The following RBFOX1 variants were observed in gnomAD, a reference collection of about 807,000 sequenced individuals.
The protein encoded by RBFOX1 is RNA binding fox-1 homolog 1.
RBFOX1 carries 8 observed loss-of-function variants against 57.7 expected under a neutral mutation model. The observed-to-expected ratio is 0.14, with a 90% CI of 0.08 to 0.25. The LOEUF (loss-of-function observed/expected upper bound fraction) is 0.25, where lower values mean the gene tolerates loss of function less well. Among genes scored for constraint, RBFOX1 ranks in the 10% least tolerant of loss-of-function variants. RBFOX1 has a pLI of 1.00. For missense variants in RBFOX1, 611 were observed against 548.5 expected, an observed-to-expected ratio of 1.11 and a Z score of -1.14; for synonymous variants, 326 against 222.4, an observed-to-expected ratio of 1.47 and a Z score of -4.15.
chr16:7,695,211 T>G (rs2078414769), intron 14 of RBFOX1, among the ~76,000 whole-genome samples: 1 of 152,160 alleles, frequency 6.6e-6, no homozygotes, highest in African/African-American at 2.4e-5. Context: ...TAAGGTTCCG[T>G]TTGAACTCTG....
chr16:6,266,712 TAAAA>T (rs112417452), intron 1 of RBFOX1, among the ~76,000 whole-genome samples: 1 of 135,972 alleles, frequency 7.4e-6, no homozygotes, highest in African/African-American at 2.7e-5. Context: ...AGACTCTGTC[TAAAA>T]AAAAAAAAAA....
At chr16:6,287,749 C>T (rs1042746081) in intron 1 of RBFOX1, among the ~76,000 whole-genome samples, 3 of 152,052 alleles carry the variant, frequency 2.0e-5, no homozygotes, top group Admixed American at 6.6e-5. Context: ...TAAGACCATT[C>T]TCCATTTATC....
chr16:7,100,293 CCTGA>C (rs1567254669), intron 4 of RBFOX1, among the ~76,000 whole-genome samples: 1 of 151,878 alleles, frequency 6.6e-6, no homozygotes, highest in Admixed American at 6.6e-5. Context: ...TAAAAAGAAC[CCTGA>C]CTCTTTCTGA....
intron 3 of RBFOX1, among the ~76,000 whole-genome samples, chr16:7,028,736 G>A (rs886950616): frequency 1.3e-5 from 2 of 151,576 alleles, no homozygotes; most frequent in African/African-American, 2.4e-5. Flanking sequence ...GATATGCACA[G>A]GAAATGTAAT....
intron 2 of RBFOX1, among the ~76,000 whole-genome samples, chr16:6,592,824 C>G (rs985883754): frequency 1.3e-5 from 2 of 152,140 alleles, no homozygotes; most frequent in South Asian, 2.1e-4. Flanking sequence ...GATTCCAGTT[C>G]TATTCATCCA....
chr16:7,015,262 A>G (rs796861970), intron 3 of RBFOX1, among the ~76,000 whole-genome samples: 25 of 152,248 alleles, frequency 1.6e-4, no homozygotes, highest in African/African-American at 5.8e-4. Context: ...GGGTGAGCAT[A>G]TGGCCTGGGA....
At chr16:6,920,472 A>G (rs1316975335) in intron 3 of RBFOX1, among the ~76,000 whole-genome samples, 1 of 152,232 alleles carries the variant, frequency 6.6e-6, no homozygotes, top group Non-Finnish European at 1.5e-5. Flanking sequence ...TGTCCTAGAC[A>G]TTAAGGGAGC....
At chr16:6,004,567 CACAGAT>C (rs2060660168) in intron 4 of RBFOX1, among the ~76,000 whole-genome samples, 1 of 152,180 alleles carries the variant, frequency 6.6e-6, no homozygotes, top group African/African-American at 2.4e-5. Context: ...GGAATATAAA[CACAGAT>C]TTCTGCAGCT....
intron 10 of RBFOX1, among the ~76,000 whole-genome samples, chr16:7,624,902 C>G (rs74918514): frequency 6.6e-6 from 1 of 152,022 alleles, no homozygotes; most frequent in Non-Finnish European, 1.5e-5. Context: ...TGTGAACACA[C>G]GTGGAGTGGT....
At chr16:6,633,337 G>T (rs962312512) in intron 2 of RBFOX1, among the ~76,000 whole-genome samples, 7 of 152,150 alleles carry the variant, frequency 4.6e-5, no homozygotes, top group Non-Finnish European at 8.8e-5. Context: ...GAATGCAGCG[G>T]CACGATCTTG....
chr16:6,106,574 G>T (rs139037703), intron 1 of RBFOX1, among the ~76,000 whole-genome samples: 6 of 151,884 alleles, frequency 4.0e-5, no homozygotes, highest in African/African-American at 1.5e-4. Flanking sequence ...ATGGACTTTC[G>T]TTCAGAAAGA....
intron 14 of RBFOX1, among the ~76,000 whole-genome samples, chr16:7,678,148 T>C (rs2073868481): frequency 6.6e-6 from 1 of 152,216 alleles, no homozygotes; most frequent in African/African-American, 2.4e-5. Context: ...TAAGCAGCCA[T>C]AACAAGTTCT....
chr16:7,437,433 C>G lies in RBFOX1; in HGVS notation c.28-80714C>G, dbSNP rs139541796. Among the ~76,000 whole-genome samples, 6 of 152,188 alleles carry G rather than the reference C, an allele frequency of 3.9e-5. No individual in the cohort carries two copies. In the East Asian group the frequency reaches 9.6e-4, roughly 24 times the overall value. ...TCTGTGGAAAGGATGTTAATAGAGA[C>G]AAAAGGACACTGTTGGCGCGTTATT... On this transcript the variant is annotated intron_variant, in intron 4 of 15. Transcript: ENST00000550418.
At chr16:6,388,283 A>C (rs914189976) in intron 2 of RBFOX1, among the ~76,000 whole-genome samples, 10 of 152,002 alleles carry the variant, frequency 6.6e-5, no homozygotes, top group African/African-American at 2.2e-4. Context: ...TGGAATTTTT[A>C]AAATGTGTTT....
chr16:6,018,050 C>T (rs2095007890), upstream of RBFOX1, among the ~76,000 whole-genome samples: 2 of 152,144 alleles, frequency 1.3e-5, no homozygotes, highest in South Asian at 4.1e-4. Context: ...CCTGGGGAGT[C>T]CTGGTTCCTT....
chr16:5,718,971 G>C (rs528597953), intron 3 of RBFOX1, among the ~76,000 whole-genome samples: 50 of 89,748 alleles, frequency 5.6e-4, no homozygotes, highest in Admixed American at 1.2e-3. Context: ...CATGTGTATA[G>C]TTAAAAAAAA....
intron 4 of RBFOX1, among the ~76,000 whole-genome samples, chr16:7,332,247 A>G (rs1343510712): frequency 6.6e-6 from 1 of 152,182 alleles, no homozygotes. Context: ...CATTTGTTAT[A>G]TGGGACTGAT....
intron 4 of RBFOX1, among the ~76,000 whole-genome samples, chr16:7,198,800 C>A (rs972121004): frequency 6.6e-6 from 1 of 152,196 alleles, no homozygotes; most frequent in African/African-American, 2.4e-5. Context: ...AACACTGTTG[C>A]AATGGATATT....
At chr16:6,636,969 T>C (rs2098441822) in intron 2 of RBFOX1, among the ~76,000 whole-genome samples, 6 of 127,738 alleles carry the variant, frequency 4.7e-5, no homozygotes, top group South Asian at 4.4e-4. Context: ...GTATATTATG[T>C]ATATTTATGT....
Sources: gnomAD v4.1 joint callset for allele counts (sites outside exome capture counted in the v4.1 genomes callset) on GRCh38, gnomAD v4.1.1 for gene constraint, MANE v1.5 for transcripts, NCBI Gene and HGNC (gene_info 2026-07-23, HGNC 2026-07-21) for gene names.